PRKN: variants seen among roughly 807,000 people sequenced by gnomAD.
PRKN encodes E3 ubiquitin-protein ligase parkin.
Under a neutral mutation model 59.5 loss-of-function variants are expected in PRKN, and 56 were observed. The ratio of observed to expected loss-of-function variants is 0.94; its 90% confidence interval spans 0.76 to 1.18. PRKN has a LOEUF of 1.18. Among genes scored for constraint, PRKN ranks in the 50% most tolerant of loss-of-function variants. The pLI, the probability that PRKN is intolerant of heterozygous loss-of-function variation, is 0.00. For missense variants in PRKN, 657 were observed against 596.4 expected, an observed-to-expected ratio of 1.10 and a Z score of -1.06; for synonymous variants, 250 against 222.1, an observed-to-expected ratio of 1.13 and a Z score of -1.12.
chr6:161,734,600 T>G (rs2982905), intron 7 of PRKN, among the ~76,000 whole-genome samples: 27,462 of 152,126 alleles, frequency 0.18, 4,944 homozygotes, highest in African/African-American at 0.47. Flanking sequence ...GCTGCGGCAA[T>G]AGAAAATGAA....
At chr6:161,822,478 C>T (rs1415483947) in intron 6 of PRKN, among the ~76,000 whole-genome samples, 2 of 152,186 alleles carry the variant, frequency 1.3e-5, no homozygotes, top group Non-Finnish European at 2.9e-5. Context: ...GAGTTCAACA[C>T]CAGCCTGGCC....
chr6:161,398,391 T>C (rs1786867881), intron 9 of PRKN, among the ~76,000 whole-genome samples: 1 of 152,040 alleles, frequency 6.6e-6, no homozygotes, highest in Admixed American at 6.6e-5. Context: ...ACTAGCACCA[T>C]CAGCATCACC....
intron 7 of PRKN, among the ~76,000 whole-genome samples, chr6:161,642,266 C>A (rs186774774): frequency 6.6e-6 from 1 of 152,166 alleles, no homozygotes; most frequent in Admixed American, 6.5e-5. Context: ...AATATAAAGT[C>A]ATCAAATTAA....
intron 1 of PRKN, among the ~76,000 whole-genome samples, chr6:162,582,629 G>T (rs1173336116): frequency 6.6e-6 from 1 of 152,116 alleles, no homozygotes; most frequent in Non-Finnish European, 1.5e-5. Context: ...CTTAAACTCA[G>T]CTCTCTTTGC....
At chr6:161,577,520 T>C (rs1349330085) in intron 7 of PRKN, among the ~76,000 whole-genome samples, 2 of 152,230 alleles carry the variant, frequency 1.3e-5, no homozygotes, top group Non-Finnish European at 2.9e-5. Context: ...CAACCACTAA[T>C]TAGTAGACAT....
intron 3 of PRKN, among the ~76,000 whole-genome samples, chr6:162,218,909 C>T (rs1777814913): frequency 6.6e-6 from 1 of 152,118 alleles, no homozygotes; most frequent in African/African-American, 2.4e-5. Context: ...CATGGTGGCT[C>T]ACACCTGTGA....
intron 2 of PRKN, among the ~76,000 whole-genome samples, chr6:162,368,597 G>C (rs1429257016): frequency 2.0e-5 from 3 of 152,124 alleles, no homozygotes; most frequent in Non-Finnish European, 2.9e-5. Flanking sequence ...TCTGTCATCA[G>C]AGCTGGGTTG....
At chr6:161,881,351 G>A (rs767714908) in intron 6 of PRKN, among the ~76,000 whole-genome samples, 3 of 152,124 alleles carry the variant, frequency 2.0e-5, no homozygotes, top group Non-Finnish European at 4.4e-5. Context: ...ACACAGAGTG[G>A]GAATTATGTG....
chr6:162,694,675 G>C (rs1777906710), intron 1 of PRKN: 1 of 152,064 alleles, frequency 6.6e-6, no homozygotes, highest in Non-Finnish European at 1.5e-5. Context: ...ACTTAAGAAA[G>C]AATCAGTAAC....
chr6:162,501,728 C>T (rs1793385475), intron 1 of PRKN, among the ~76,000 whole-genome samples: 1 of 151,990 alleles, frequency 6.6e-6, no homozygotes, highest in Admixed American at 6.6e-5. Flanking sequence ...ACACTGCAGG[C>T]CATCTCAAAA....
chr6:162,446,024 A>T (rs1029378672), intron 1 of PRKN, among the ~76,000 whole-genome samples: 7 of 152,200 alleles, frequency 4.6e-5, no homozygotes, highest in Admixed American at 1.3e-4. Flanking sequence ...CTCCAAATAA[A>T]GAAAATTCAT....
intron 6 of PRKN, among the ~76,000 whole-genome samples, chr6:161,915,577 C>T (rs892471640): frequency 1.3e-5 from 2 of 152,268 alleles, no homozygotes; most frequent in East Asian, 3.9e-4. Context: ...TTGATCTCTG[C>T]TATGCGTGAG....
intron 9 of PRKN, among the ~76,000 whole-genome samples, chr6:161,430,375 G>A (rs938676165): frequency 1.3e-5 from 2 of 152,160 alleles, no homozygotes; most frequent in African/African-American, 4.8e-5. Context: ...ATGAGTTTTG[G>A]AGAGAACAGT....
At chr6:162,368,438 A>G (rs1313081572) in intron 2 of PRKN, among the ~76,000 whole-genome samples, 1 of 152,208 alleles carries the variant, frequency 6.6e-6, no homozygotes, top group Non-Finnish European at 1.5e-5. Flanking sequence ...CAGGACATGG[A>G]AGTCTCATTG....
chr6:162,085,726 C>T (rs896896468), intron 4 of PRKN, among the ~76,000 whole-genome samples: 20 of 152,052 alleles, frequency 1.3e-4, no homozygotes, highest in Admixed American at 9.2e-4. Flanking sequence ...CTTTTCAAAT[C>T]AGGTGGGTGG....
intron 1 of PRKN, among the ~76,000 whole-genome samples, chr6:162,677,217 G>T (rs1779587730): frequency 1.3e-5 from 2 of 151,792 alleles, no homozygotes. Flanking sequence ...AAGGCATCAA[G>T]GTAAGCAGCA....
chr6:161,763,183 G>A (rs368094373), intron 7 of PRKN, among the ~76,000 whole-genome samples: 7 of 151,988 alleles, frequency 4.6e-5, no homozygotes, highest in African/African-American at 1.2e-4. Flanking sequence ...TCTTTGAATC[G>A]CACAAATCAT....
chr6:162,450,795 CT>C (rs2128170856), intron 1 of PRKN, among the ~76,000 whole-genome samples: 1 of 152,212 alleles, frequency 6.6e-6, no homozygotes, highest in South Asian at 2.1e-4. Context: ...ATGTGGTAGC[CT>C]GGATGGAATC....
At chr6:161,649,589 T>C (rs529628550) in intron 7 of PRKN, among the ~76,000 whole-genome samples, 2 of 152,230 alleles carry the variant, frequency 1.3e-5, no homozygotes, top group South Asian at 2.1e-4. Context: ...CTATTTCCTA[T>C]GAAAAGGACA....
Sources: gnomAD v4.1 joint callset for allele counts (sites outside exome capture counted in the v4.1 genomes callset) on GRCh38, gnomAD v4.1.1 for gene constraint, MANE v1.5 for transcripts, NCBI Gene and HGNC (gene_info 2026-07-23, HGNC 2026-07-21) for gene names.